STIM1: variants seen among roughly 807,000 people sequenced by gnomAD.
The protein encoded by STIM1 is stromal interaction molecule 1.
In STIM1, 25 loss-of-function variants were observed where a neutral mutation model predicts 74.7. The ratio of observed to expected loss-of-function variants is 0.33; its 90% CI spans 0.24 to 0.47. The LOEUF (loss-of-function observed/expected upper bound fraction) is 0.47, where lower values mean the gene tolerates loss of function less well. STIM1 is among the 20% of genes least tolerant of loss of function. The probability of loss-of-function intolerance (pLI) is 1.00; values close to 1 mark genes in which losing one functional copy is unlikely to be tolerated. For missense variants in STIM1, 728 were observed against 920.8 expected, an observed-to-expected ratio of 0.79 and a Z score of 2.71; for synonymous variants, 328 against 348.8, an observed-to-expected ratio of 0.94 and a Z score of 0.66.
chr11:3,923,531 G>A (rs1382297245), intron 1 of STIM1, among the ~76,000 whole-genome samples: 1 of 150,808 alleles, frequency 6.6e-6, no homozygotes, highest in Non-Finnish European at 1.5e-5. Context: ...ATTGCTTGAA[G>A]CTGGGAGGCG....
chr11:4,066,932 C>G (rs902242612), intron 5 of STIM1, among the ~76,000 whole-genome samples: 14 of 152,190 alleles, frequency 9.2e-5, no homozygotes, highest in African/African-American at 2.7e-4. Context: ...TTTTTCTACA[C>G]AATGATTCAT....
chr11:3,896,063 C>T (rs2092159907), intron 1 of STIM1, among the ~76,000 whole-genome samples: 1 of 151,676 alleles, frequency 6.6e-6, no homozygotes, highest in African/African-American at 2.4e-5. Context: ...CACCACCACA[C>T]CCGGCTAATT....
intron 2 of STIM1, chr11:3,973,130 G>T: frequency 2.4e-6 from 1 of 413,688 alleles, no homozygotes; most frequent in South Asian, 1.8e-5. Flanking sequence ...AACCAGGGCT[G>T]CCCCTCTATA....
chr11:3,872,528 T>C (rs1252191754), intron 1 of STIM1, among the ~76,000 whole-genome samples: 2 of 149,756 alleles, frequency 1.3e-5, no homozygotes, highest in Non-Finnish European at 3.0e-5. Context: ...TTTTTCTTTT[T>C]TTTTTTTTTT....
At chr11:4,018,990 G>T in intron 2 of STIM1, 1 of 157,798 alleles carries the variant, frequency 6.3e-6, no homozygotes, top group Admixed American at 6.4e-5. Flanking sequence ...ACAAAAATCT[G>T]GCCAGAGTTC....
chr11:3,861,688 T>A (rs2090618185), intron 1 of STIM1, among the ~76,000 whole-genome samples: 1 of 152,226 alleles, frequency 6.6e-6, no homozygotes, highest in African/African-American at 2.4e-5. Flanking sequence ...GCTCCATATG[T>A]AATTGAAGGA....
chr11:4,088,847 C>A, intron 12 of STIM1: 1 of 1,101,550 alleles, frequency 9.1e-7, no homozygotes, highest in Non-Finnish European at 1.3e-6. Flanking sequence ...CCTCACTGGG[C>A]CTTTTCCCTC....
chr11:4,042,823 T>G (rs750726781), intron 3 of STIM1, among the ~76,000 whole-genome samples: 1 of 152,160 alleles, frequency 6.6e-6, no homozygotes, highest in Non-Finnish European at 1.5e-5. Flanking sequence ...TGAAGGTACA[T>G]ATGAAGAAAA....
chr11:4,059,440 C>A, intron 5 of STIM1, 44 bp downstream of exon 5: 1 of 1,565,482 alleles, frequency 6.4e-7, no homozygotes, highest in South Asian at 1.1e-5. Flanking sequence ...CCATGGAAAC[C>A]AAAGCTGTTG....
At chr11:4,053,998 A>G (rs1337091850) in intron 3 of STIM1, among the ~76,000 whole-genome samples, 3 of 152,244 alleles carry the variant, frequency 2.0e-5, no homozygotes, top group South Asian at 2.1e-4. Flanking sequence ...TATGGTAGGC[A>G]CTAGCCACAT....
chr11:4,074,547 G>A lies in STIM1; in HGVS notation c.837G>A (p.Lys279=). 6.2e-7 allele frequency: 1 copy of A among 1,614,138 alleles called. No homozygotes were observed. The highest frequency in any genetic ancestry group is 8.5e-7 in the Non-Finnish European group (1 of 1,180,032). The change falls in exon 7 of 13, where the codon AAG becomes AAA. Residue 279 remains lysine (K), a synonymous_variant. Transcript: ENST00000526596. ...AGCACCGCACAGTGGAGGTGGAGAA[G>A]GTCCATCTGGAAAAGAAGCTGCGCG... ...QEEHRTVEVE[K]VHLEKKLRDE... is the part of the protein sequence containing the mutation.
chr11:4,039,207 A>C (rs921051232), intron 3 of STIM1, among the ~76,000 whole-genome samples: 2 of 152,160 alleles, frequency 1.3e-5, no homozygotes. Context: ...TGAGAGGATC[A>C]CTTGAGCCCC....
At position 3,898,083 on chromosome 11, in the gene STIM1, C is replaced by T. The variant is rs560143442; in HGVS notation, c.139+41674C>T. 2.7e-4 allele frequency among the ~76,000 whole-genome samples: 41 copies of T among 152,268 alleles called. No individual in the cohort carries two copies. The East Asian group carries it at 6.9e-3, about 26-fold the overall frequency. ...TTCTAGTTCTAGATCCTTGAGGAAT[C>T]GCCACACTGACTTCCACAATGGTTG... On this transcript the variant is annotated intron_variant, in intron 1 of 12. Transcript: ENST00000526596.
chr11:3,974,597 T>C (rs1175386262), intron 2 of STIM1, among the ~76,000 whole-genome samples: 1 of 150,630 alleles, frequency 6.6e-6, no homozygotes, highest in East Asian at 2.0e-4. Flanking sequence ...AAGAAAAATA[T>C]ATAATCATTT....
At chr11:4,086,802 C>T in intron 12 of STIM1, 2 of 1,536,556 alleles carry the variant, frequency 1.3e-6, no homozygotes, top group East Asian at 4.9e-5. Flanking sequence ...TGGAGCCCTA[C>T]CCTGACACAC....
intron 1 of STIM1, among the ~76,000 whole-genome samples, chr11:3,877,870 C>T (rs1314767693): frequency 3.3e-5 from 5 of 152,174 alleles, no homozygotes; most frequent in South Asian, 2.1e-4. Context: ...ATACCAGTCT[C>T]CTCTCTCTGA....
chr11:3,907,071 A>G (rs1419250701), intron 1 of STIM1, among the ~76,000 whole-genome samples: 2 of 152,156 alleles, frequency 1.3e-5, no homozygotes, highest in African/African-American at 2.4e-5. Flanking sequence ...CAGAAAATCA[A>G]ATTTTTCTTG....
intron 1 of STIM1, among the ~76,000 whole-genome samples, chr11:3,904,189 T>C (rs2135448364): frequency 2.9e-5 from 2 of 70,002 alleles, no homozygotes; most frequent in Admixed American, 2.1e-4. Context: ...AGAGTGAGAC[T>C]CTGTCTCAAA....
chr11:3,987,909 T>G (rs2093572571), intron 2 of STIM1, among the ~76,000 whole-genome samples: 1 of 152,136 alleles, frequency 6.6e-6, no homozygotes, highest in Non-Finnish European at 1.5e-5. Flanking sequence ...TAGAGTTGAT[T>G]AGATGCCAGG....
Sources: allele counts gnomAD v4.1 joint callset (sites outside exome capture counted in the v4.1 genomes callset), GRCh38; gene constraint gnomAD v4.1.1; transcripts MANE v1.5; gene names NCBI Gene and HGNC (gene_info 2026-07-23, HGNC 2026-07-21).